NARS2: variants seen among roughly 807,000 people sequenced by gnomAD.
NARS2 encodes asparaginyl-tRNA synthetase 2, mitochondrial, also known as asparaginyl-tRNA synthetase.
A neutral mutation model predicts 62.9 loss-of-function variants in NARS2; 60 were observed. The observed-to-expected ratio is 0.95, with a 90% CI of 0.77 to 1.18. NARS2 has a LOEUF of 1.18. Among genes scored for constraint, NARS2 ranks in the 50% most tolerant of loss-of-function variants. NARS2 has a pLI of 0.00. For missense variants in NARS2, 619 were observed against 576.4 expected, an observed-to-expected ratio of 1.07 and a Z score of -0.76; for synonymous variants, 196 against 200.0, an observed-to-expected ratio of 0.98 and a Z score of 0.17.
At chr11:78,494,850 T>C (rs867072303) in intron 6 of NARS2, among the ~76,000 whole-genome samples, 3 of 152,292 alleles carry the variant, frequency 2.0e-5, no homozygotes, top group South Asian at 2.1e-4. Context: ...CCTTTCTTTT[T>C]ACATTTCCTC....
chr11:78,455,097 C>T (rs1368890951), intron 11 of NARS2, among the ~76,000 whole-genome samples: 1 of 152,158 alleles, frequency 6.6e-6, no homozygotes, highest in Non-Finnish European at 1.5e-5. Context: ...TTCCCCCCTT[C>T]CCCAATCCAT....
chr11:78,566,173 T>C lies in NARS2; in HGVS notation c.472A>G (p.Ile158Val), dbSNP rs1224256462. ...ATAGCAGCTGTCGCTTCACTGCGAA[T>C]CCTCAATATAGAACCCAGAACGTTA... ...RTNVLGSILR[I>V]RSEATAAIHS... The change falls in exon 4 of 14, where the codon ATT becomes GTT. Residue 158 changes from isoleucine (I) to valine (V), a missense_variant. Coordinates refer to ENST00000281038, the MANE Select transcript of NARS2 (RefSeq NM_024678.6). 4 of 1,612,220 alleles carry C rather than the reference T, an allele frequency of 2.5e-6. No homozygotes were observed. The highest frequency in any genetic ancestry group is 3.4e-6 in the Non-Finnish European group (4 of 1,178,962).
Position 78,566,384 on chromosome 11 carries a change from CTTCT to C in NARS2, c.373-116_373-113del, listed in dbSNP as rs780761516. The C allele has an allele frequency of 8.8e-5, 72 of 813,712 alleles. 1 individual carries two copies. The South Asian group carries it at 1.7e-3, about 19-fold the overall frequency. 50.4% of individuals were successfully genotyped at this position (813,712 alleles called of 1,614,324 possible). On this transcript the variant is annotated intron_variant, in intron 3 of 13. Coordinates refer to ENST00000281038, the MANE Select transcript of NARS2 (RefSeq NM_024678.6). ...TTTGGAACCAAACTAAGATCCTTTC[CTTCT>C]TTATTTCTTAATATAACTGATTTTA...
chr11:78,452,038 T>TACGAA, intron 11 of NARS2, among the ~76,000 whole-genome samples: 1 of 152,326 alleles, frequency 6.6e-6, no homozygotes, highest in East Asian at 1.9e-4. Context: ...TATCCATATC[T>TACGAA]TTTAGTTAGA....
chr11:78,463,713 CAAAAAAAAAAAAAAAAA>C (rs10649252), intron 11 of NARS2, among the ~76,000 whole-genome samples: 19 of 47,996 alleles, frequency 4.0e-4, no homozygotes, highest in Admixed American at 2.2e-3. Flanking sequence ...TAGTTAAGGT[CAAAAAAAAAAAAAAAAA>C]AAAAAAACCA....
Position 78,543,859 on chromosome 11 carries a change from C to T in NARS2, c.595-14923G>A, listed in dbSNP as rs577630295. Among the ~76,000 whole-genome samples, 15 of 151,892 alleles carry T rather than the reference C, an allele frequency of 9.9e-5. No homozygotes were observed. The East Asian group carries it at 2.3e-3, about 24-fold the overall frequency. ...CATCCTGGCCGACATGGTGAAAACCCGTCTCTACTAAAACTACAAAAATTA... is the reference window on the plus strand; with the variant it reads ...CATCCTGGCCGACATGGTGAAAACCTGTCTCTACTAAAACTACAAAAATTA... On this transcript the variant is annotated intron_variant, in intron 5 of 13. Coordinates refer to ENST00000281038, the MANE Select transcript of NARS2 (RefSeq NM_024678.6).
At chr11:78,563,377 C>T (rs1000380682) in intron 4 of NARS2, among the ~76,000 whole-genome samples, 1 of 151,724 alleles carries the variant, frequency 6.6e-6, no homozygotes, top group African/African-American at 2.4e-5. Flanking sequence ...AACACCACGC[C>T]CAGCTAATTT....
At chr11:78,464,379 C>G (rs943090728) in intron 11 of NARS2, among the ~76,000 whole-genome samples, 2 of 152,164 alleles carry the variant, frequency 1.3e-5, no homozygotes, top group Non-Finnish European at 2.9e-5. Flanking sequence ...ACTGCTGGCT[C>G]GGGCAGCCTG....
At chr11:78,521,554 G>A (rs1170788440) in intron 6 of NARS2, among the ~76,000 whole-genome samples, 2 of 152,116 alleles carry the variant, frequency 1.3e-5, no homozygotes, top group African/African-American at 4.8e-5. Flanking sequence ...ACTTTGGGAG[G>A]CCGAGGCGAG....
chr11:78,509,838 AAAAAG>A (rs541879485), intron 6 of NARS2, among the ~76,000 whole-genome samples: 258 of 150,998 alleles, frequency 1.7e-3, no homozygotes, highest in Middle Eastern at 6.9e-3. Context: ...AAAAAAAAAA[AAAAAG>A]AAAAGAAAAG....
intron 5 of NARS2, among the ~76,000 whole-genome samples, chr11:78,543,048 G>T (rs1387912305): frequency 6.6e-6 from 1 of 152,154 alleles, no homozygotes; most frequent in Non-Finnish European, 1.5e-5. Flanking sequence ...TACGGTGGTG[G>T]GTGCCTGTAA....
At chr11:78,538,024 T>C (rs569789983) in intron 5 of NARS2, among the ~76,000 whole-genome samples, 1 of 152,170 alleles carries the variant, frequency 6.6e-6, no homozygotes, top group Admixed American at 6.5e-5. Context: ...CTGTGTTGAG[T>C]AGCATGATGA....
intron 6 of NARS2, among the ~76,000 whole-genome samples, chr11:78,515,695 A>C (rs576569543): frequency 1.7e-4 from 26 of 151,870 alleles, no homozygotes; most frequent in Admixed American, 3.3e-4. Context: ...TTAAAAAAAA[A>C]AAAACAAAAC....
chr11:78,542,359 A>G (rs1269233769), intron 5 of NARS2, among the ~76,000 whole-genome samples: 4 of 152,238 alleles, frequency 2.6e-5, no homozygotes, highest in Non-Finnish European at 2.9e-5. Context: ...TACAGGAGAT[A>G]AACACAAATG....
At chr11:78,527,113 A>G (rs761343350) in intron 6 of NARS2, among the ~76,000 whole-genome samples, 60 of 152,234 alleles carry the variant, frequency 3.9e-4, no homozygotes, top group Non-Finnish European at 7.2e-4. Context: ...CAGGTAGAAG[A>G]GATAATCCCA....
intron 1 of NARS2, 65 bp downstream of exon 1, chr11:78,574,283 T>C: frequency 1.9e-6 from 3 of 1,598,730 alleles, no homozygotes; most frequent in South Asian, 2.2e-5. Context: ...AAAGAAAAGC[T>C]AGATGTGGAT....
chr11:78,473,503 C>CA (rs1858961444), intron 9 of NARS2, among the ~76,000 whole-genome samples: 1 of 152,150 alleles, frequency 6.6e-6, no homozygotes, highest in South Asian at 2.1e-4. Flanking sequence ...GTTGAGGGTA[C>CA]AAACTTCAAG....
chr11:78,539,464 GA>G (rs893278128), intron 5 of NARS2, among the ~76,000 whole-genome samples: 2 of 152,032 alleles, frequency 1.3e-5, no homozygotes, highest in African/African-American at 4.8e-5. Context: ...GGCTTTGGAG[GA>G]AAAAATCAAG....
chr11:78,516,129 T>A (rs992717835), intron 6 of NARS2, among the ~76,000 whole-genome samples: 1 of 152,216 alleles, frequency 6.6e-6, no homozygotes, highest in African/African-American at 2.4e-5. Flanking sequence ...AAAGCTACAG[T>A]TTTCTATCTT....
Sources: gnomAD v4.1 joint callset for allele counts (sites outside exome capture counted in the v4.1 genomes callset) on GRCh38, gnomAD v4.1.1 for gene constraint, MANE v1.5 for transcripts, NCBI Gene and HGNC (gene_info 2026-07-23, HGNC 2026-07-21) for gene names.